GRID1: variants seen among roughly 807,000 people sequenced by gnomAD.
GRID1 encodes glutamate ionotropic receptor delta type subunit 1, also known as glutamate receptor ionotropic, delta-1.
Under a neutral mutation model 98.0 loss-of-function variants are expected in GRID1, and 28 were observed. The ratio of observed to expected loss-of-function variants is 0.29; its 90% CI spans 0.21 to 0.39. The LOEUF is 0.39. Among genes scored for constraint, GRID1 ranks in the 10% least tolerant of loss-of-function variants. The pLI is 1.00. For synonymous variants in GRID1, 553 were observed against 538.5 expected, an observed-to-expected ratio of 1.03 and a Z score of -0.37; for missense variants, 1,111 against 1,340.5, an observed-to-expected ratio of 0.83 and a Z score of 2.67.
At chr10:85,605,581 G>A (rs540432397) in intron 15 of GRID1, 3 of 152,208 alleles carry the variant, frequency 2.0e-5, no homozygotes, top group Non-Finnish European at 2.9e-5. Context: ...CTTTGAAGAT[G>A]AAAAGAAAGA....
At chr10:85,821,441 C>G (rs112608756) in intron 8 of GRID1, among the ~76,000 whole-genome samples, 1 of 130,636 alleles carries the variant, frequency 7.7e-6, no homozygotes, top group African/African-American at 2.8e-5. Context: ...CACTTGAACC[C>G]GGGAGGCAGA....
At chr10:85,990,265 G>C (rs1842664099) in intron 4 of GRID1, among the ~76,000 whole-genome samples, 1 of 152,180 alleles carries the variant, frequency 6.6e-6, no homozygotes, top group African/African-American at 2.4e-5. Context: ...TCTCTGCTCA[G>C]CAGAGAAGAA....
At chr10:85,923,396 G>A (rs1841732608) in intron 4 of GRID1, among the ~76,000 whole-genome samples, 1 of 152,194 alleles carries the variant, frequency 6.6e-6, no homozygotes, top group Non-Finnish European at 1.5e-5. Context: ...GGGGGAGGCT[G>A]AGAGGGCTGT....
chr10:85,865,316 C>A (rs904045507), intron 6 of GRID1, among the ~76,000 whole-genome samples: 5 of 152,150 alleles, frequency 3.3e-5, no homozygotes, highest in Admixed American at 3.3e-4. Context: ...AAATAGGAAC[C>A]AAACTGATTT....
chr10:85,891,450 A>G (rs1841199342), intron 5 of GRID1, among the ~76,000 whole-genome samples: 1 of 152,188 alleles, frequency 6.6e-6, no homozygotes, highest in Non-Finnish European at 1.5e-5. Flanking sequence ...ATAGCATGAT[A>G]ATTAAGAGTG....
chr10:86,338,091 A>G (rs887184594), intron 2 of GRID1, among the ~76,000 whole-genome samples: 4 of 152,136 alleles, frequency 2.6e-5, no homozygotes, highest in African/African-American at 9.7e-5. Context: ...CTCCTCCCTG[A>G]TAACACTGAT....
intron 2 of GRID1, among the ~76,000 whole-genome samples, chr10:86,208,669 G>A (rs1846067990): frequency 6.6e-6 from 1 of 152,176 alleles, no homozygotes; most frequent in African/African-American, 2.4e-5. Flanking sequence ...TGAGCCACAT[G>A]TTGCCTGTGT....
intron 2 of GRID1, among the ~76,000 whole-genome samples, chr10:86,207,767 G>T (rs1287350151): frequency 6.6e-6 from 1 of 151,786 alleles, no homozygotes; most frequent in Non-Finnish European, 1.5e-5. Flanking sequence ...CTGTAGCTGG[G>T]ACTACAGGCA....
chr10:85,952,654 TA>T (rs886319340), intron 4 of GRID1, among the ~76,000 whole-genome samples: 3 of 151,766 alleles, frequency 2.0e-5, no homozygotes, highest in African/African-American at 7.3e-5. Flanking sequence ...AGAGAAAAAA[TA>T]AAGAAAAAGA....
At chr10:85,737,395 T>C (rs985527715) in intron 8 of GRID1, among the ~76,000 whole-genome samples, 2 of 151,910 alleles carry the variant, frequency 1.3e-5, no homozygotes, top group Non-Finnish European at 2.9e-5. Flanking sequence ...AAATACCTTC[T>C]GCACTGGCAA....
intron 4 of GRID1, among the ~76,000 whole-genome samples, chr10:85,989,130 G>GGGGTGATCAGGGCA (rs1477098881): frequency 6.6e-6 from 1 of 152,206 alleles, no homozygotes; most frequent in Non-Finnish European, 1.5e-5. Flanking sequence ...ACCTGGCACT[G>GGGGTGATCAGGGCA]GGGTGATCAG....
At chr10:86,036,885 A>T (rs1020797090) in intron 4 of GRID1, among the ~76,000 whole-genome samples, 1 of 152,216 alleles carries the variant, frequency 6.6e-6, no homozygotes, top group African/African-American at 2.4e-5. Context: ...AGTGGTTAAA[A>T]CAATGTAGGC....
intron 5 of GRID1, among the ~76,000 whole-genome samples, chr10:85,911,307 C>T (rs1013462011): frequency 5.3e-5 from 8 of 152,194 alleles, no homozygotes; most frequent in African/African-American, 1.4e-4. Context: ...GAAAGAAGTA[C>T]GCTGAGTTCG....
chr10:86,186,453 T>C (rs1470517852), intron 3 of GRID1, among the ~76,000 whole-genome samples: 1 of 152,250 alleles, frequency 6.6e-6, no homozygotes, highest in African/African-American at 2.4e-5. Context: ...CTTTTACTTA[T>C]ATTGGATTTG....
chr10:86,093,622 G>GA (rs1182471289), intron 4 of GRID1, among the ~76,000 whole-genome samples: 1 of 152,052 alleles, frequency 6.6e-6, no homozygotes. Flanking sequence ...TAAATTCCTG[G>GA]AAAAATACAA....
intron 8 of GRID1, among the ~76,000 whole-genome samples, chr10:85,822,980 C>T (rs7070480): frequency 0.39 from 59,613 of 151,916 alleles, 13,972 homozygotes; most frequent in African/African-American, 0.66. Flanking sequence ...TAGGTGGGAA[C>T]TGAATAATGA....
At chr10:86,273,591 T>G (rs1354073615) in intron 2 of GRID1, among the ~76,000 whole-genome samples, 1 of 151,898 alleles carries the variant, frequency 6.6e-6, no homozygotes, top group African/African-American at 2.4e-5. Flanking sequence ...CCTGACTTTT[T>G]AATGATTGCC....
intron 2 of GRID1, among the ~76,000 whole-genome samples, chr10:86,266,276 G>A (rs1847101543): frequency 6.6e-6 from 1 of 151,688 alleles, no homozygotes; most frequent in Non-Finnish European, 1.5e-5. Context: ...CCAATGCACA[G>A]CACCAGTGAC....
At chr10:86,344,288 T>A (rs1224972138) in intron 2 of GRID1, among the ~76,000 whole-genome samples, 2 of 152,214 alleles carry the variant, frequency 1.3e-5, no homozygotes. Flanking sequence ...GATGTGAGTA[T>A]CCCCATCCTA....
Sources: allele counts gnomAD v4.1 joint callset (sites outside exome capture counted in the v4.1 genomes callset), GRCh38; gene constraint gnomAD v4.1.1; transcripts MANE v1.5; gene names NCBI Gene and HGNC (gene_info 2026-07-23, HGNC 2026-07-21).